Variants in BMP6 observed in about 807,000 individuals in gnomAD.
The protein encoded by BMP6 is bone morphogenetic protein 6.
Under a neutral mutation model 54.1 loss-of-function variants are expected in BMP6, and 17 were observed. That is an observed-to-expected ratio of 0.31 (90% CI 0.22 to 0.47). BMP6 has a LOEUF of 0.47. Among genes scored for constraint, BMP6 ranks in the 20% least tolerant of loss-of-function variants. BMP6 has a pLI of 1.00. For synonymous variants in BMP6, 328 were observed against 291.2 expected (o/e 1.13, Z -1.28); for missense variants, 720 against 690.4 (o/e 1.04, Z -0.48).
chr6:7,773,527 C>T (rs1229077546), intron 1 of BMP6, among the ~76,000 whole-genome samples: 1 of 152,174 alleles, frequency 6.6e-6, no homozygotes, highest in Non-Finnish European at 1.5e-5. Flanking sequence ...CATGCATAAA[C>T]ATAGGCTCAG....
At chr6:7,747,529 T>C (rs1757365598) in intron 1 of BMP6, among the ~76,000 whole-genome samples, 2 of 152,188 alleles carry the variant, frequency 1.3e-5, no homozygotes, top group African/African-American at 2.4e-5. Flanking sequence ...TCTGTACTTG[T>C]GAGGAGCTGG....
At chr6:7,829,931 A>G (rs905239437) in intron 1 of BMP6, among the ~76,000 whole-genome samples, 1 of 152,182 alleles carries the variant, frequency 6.6e-6, no homozygotes, top group Non-Finnish European at 1.5e-5. Context: ...TTGTTTCCAG[A>G]TTTTATGGCC....
rs1561794987 is a variant in BMP6 at position 7,862,503 on chromosome 6, G to A, written c.1204+5G>A. ...CGCGGGTCTCCAGTGCTTCAGGTGGGTTTGTGGGGAGCCTGTGTTTCCAGA... is the reference window on the plus strand; with the variant it reads ...CGCGGGTCTCCAGTGCTTCAGGTGGATTTGTGGGGAGCCTGTGTTTCCAGA... On this transcript the variant is annotated splice_donor_5th_base_variant and intron_variant, in intron 4 of 6. Coordinates refer to ENST00000283147, the MANE Select transcript of BMP6 (RefSeq NM_001718.6). 6.2e-7 allele frequency: 1 copy of A among 1,613,644 alleles called. No homozygotes were observed. Among genetic ancestry groups the A allele is most frequent in the Non-Finnish European group, 8.5e-7 (1 of 1,179,884 alleles).
chr6:7,727,440 C>G lies in BMP6; in HGVS notation c.485C>G (p.Pro162Arg). The part of the protein sequence containing the change: ...ASEGERQQSW[P>R]HEAASSSQRR... ...GAGGGGGAGAGGCAGCAGTCCTGGC[C>G]CCACGAAGCAGCCAGCTCGTCCCAG... The change falls in exon 1 of 7, where the codon CCC (proline) becomes CGC (arginine). Residue 162 changes from proline to arginine, a missense_variant. Physicochemically the swap from Pro to Arg is moderately radical, Grantham distance 103 (BLOSUM62 -2). Transcript: ENST00000283147. 6.2e-7 allele frequency: 1 copy of G among 1,603,822 alleles called. No homozygotes were observed. The highest frequency in any genetic ancestry group is 1.1e-5 in the South Asian group (1 of 90,056).
chr6:7,851,801 GT>G (rs201342793), intron 2 of BMP6, among the ~76,000 whole-genome samples: 1 of 150,610 alleles, frequency 6.6e-6, no homozygotes, highest in Non-Finnish European at 1.5e-5. Context: ...TTTATCAAAT[GT>G]TTTTTTTTAA....
rs71542880 is a variant in BMP6, at chr6:7,759,696, C to CTTTTTT, written c.664+32096_664+32101dup. On this transcript the variant is annotated intron_variant, in intron 1 of 6. Coordinates refer to ENST00000283147, the MANE Select transcript of BMP6 (RefSeq NM_001718.6). ...TTTAAAGACTAATTTCTTTCTTCTT[C>CTTTTTT]TTTTTTTTTTTTTTTTTTTTTTTTG... is the stretch of plus-strand genomic sequence containing the variant. 5.3e-3 allele frequency among the ~76,000 whole-genome samples: 328 copies of CTTTTTT among 62,090 alleles called. 14 individuals are homozygous for CTTTTTT. The highest frequency in any genetic ancestry group is 7.3e-3 in the African/African-American group (74 of 10,124). 40.7% of individuals were successfully genotyped at this position (62,090 alleles called of 152,430 possible).
intron 2 of BMP6, among the ~76,000 whole-genome samples, chr6:7,858,764 A>G (rs571638683): frequency 4.6e-5 from 7 of 150,690 alleles, no homozygotes; most frequent in Non-Finnish European, 7.4e-5. Flanking sequence ...TCTTAAGTCC[A>G]TGCTCTGCCT....
chr6:7,760,395 C>T (rs186246145), intron 1 of BMP6, among the ~76,000 whole-genome samples: 94 of 152,194 alleles, frequency 6.2e-4, no homozygotes, highest in Middle Eastern at 6.8e-3. Context: ...GTCTTTCCAC[C>T]TTGACTTTGC....
At chr6:7,755,899 TC>T (rs1318306990) in intron 1 of BMP6, among the ~76,000 whole-genome samples, 3 of 152,136 alleles carry the variant, frequency 2.0e-5, no homozygotes, top group Non-Finnish European at 4.4e-5. Context: ...CCTGATGACA[TC>T]TTGGTTCCTT....
chr6:7,849,733 G>A (rs1013155076), intron 2 of BMP6, among the ~76,000 whole-genome samples: 3 of 152,174 alleles, frequency 2.0e-5, no homozygotes, highest in African/African-American at 7.2e-5. Flanking sequence ...TAACAGACAC[G>A]TTCAATATCT....
Position 7,764,638 on chromosome 6 carries a change from A to G in BMP6, c.664+37019A>G, listed in dbSNP as rs1009462798. Among the ~76,000 whole-genome samples the G allele has an allele frequency of 7.2e-5, 11 of 152,192 alleles. No homozygotes were observed. The East Asian group carries it at 1.4e-3, about 19-fold the overall frequency. ...GCTTTTGGTTGCCTCCCAGTCCCCA[A>G]TTCTTTTTATTAAAAAAATTTTTTT... On this transcript the variant is annotated intron_variant, in intron 1 of 6. Transcript: ENST00000283147.
chr6:7,840,451 A>G (rs1249227116), intron 1 of BMP6, among the ~76,000 whole-genome samples: 1 of 152,156 alleles, frequency 6.6e-6, no homozygotes, highest in East Asian at 1.9e-4. Flanking sequence ...ATCCTTTTGT[A>G]TGTATAATTA....
chr6:7,740,656 G>C (rs1762029252), intron 1 of BMP6, among the ~76,000 whole-genome samples: 1 of 152,154 alleles, frequency 6.6e-6, no homozygotes, highest in African/African-American at 2.4e-5. Context: ...CGGGGGATTT[G>C]GGTGTGGGAA....
intron 1 of BMP6, among the ~76,000 whole-genome samples, chr6:7,807,794 C>T (rs1758369154): frequency 6.6e-6 from 1 of 152,160 alleles, no homozygotes; most frequent in Admixed American, 6.5e-5. Flanking sequence ...ACAGCCTTCA[C>T]CTTCCATTAC....
At chr6:7,822,748 A>G (rs1338579908) in intron 1 of BMP6, among the ~76,000 whole-genome samples, 1 of 152,160 alleles carries the variant, frequency 6.6e-6, no homozygotes, top group Non-Finnish European at 1.5e-5. Context: ...CAAGTGACCA[A>G]AAGGGTGATG....
intron 2 of BMP6, among the ~76,000 whole-genome samples, chr6:7,848,100 G>A (rs543730626): frequency 2.0e-5 from 3 of 152,128 alleles, no homozygotes; most frequent in African/African-American, 7.2e-5. Flanking sequence ...CTTGTGCAGA[G>A]GCCATAGTGG....
chr6:7,859,293 C>T (rs895077620), intron 2 of BMP6, among the ~76,000 whole-genome samples: 3 of 149,746 alleles, frequency 2.0e-5, no homozygotes, highest in Non-Finnish European at 4.4e-5. Flanking sequence ...AAAGCTCATT[C>T]TGCCAGCTGT....
intron 1 of BMP6, among the ~76,000 whole-genome samples, chr6:7,801,409 G>A (rs1758268594): frequency 6.6e-6 from 1 of 152,204 alleles, no homozygotes. Context: ...TGCCAGGCTG[G>A]ATCTGAATAA....
Position 7,750,402 on chromosome 6 carries a change from A to C in BMP6, c.664+22783A>C, listed in dbSNP as rs147276008. Among the ~76,000 whole-genome samples, 1,516 of 152,366 alleles carry C rather than the reference A, an allele frequency of 9.9e-3. 21 individuals are homozygous for C. Among genetic ancestry groups the C allele is most frequent in the African/African-American group, 0.035 (1,446 of 41,588 alleles). ...ATGAGGAAACGATAAGGGCAGGATG[A>C]GGAAGCAGAGGAGATCTGAAACTGA... On this transcript the variant is annotated intron_variant, in intron 1 of 6. Transcript: ENST00000283147.
Sources: gnomAD v4.1 joint callset for allele counts (sites outside exome capture counted in the v4.1 genomes callset) on GRCh38, gnomAD v4.1.1 for gene constraint, MANE v1.5 for transcripts, NCBI Gene and HGNC (gene_info 2026-07-23, HGNC 2026-07-21) for gene names.